The following AFDN variants were observed in gnomAD, a reference collection of about 807,000 sequenced individuals.
The protein encoded by AFDN is afadin.
A neutral mutation model predicts 216.6 loss-of-function variants in AFDN; 68 were observed. The observed-to-expected ratio is 0.31, with a 90% CI of 0.26 to 0.38. The LOEUF is 0.38. Ranked by LOEUF, AFDN falls within the 10% of genes least tolerant of loss-of-function variation. AFDN has a pLI of 1.00. For missense variants in AFDN, 2,136 were observed against 2,342.0 expected, an observed-to-expected ratio of 0.91 and a Z score of 1.82; for synonymous variants, 868 against 853.7, an observed-to-expected ratio of 1.02 and a Z score of -0.29.
In AFDN at chr6:167,962,503, C is replaced by G. The variant is rs557554294; in HGVS notation, c.4904C>G (p.Ala1635Gly). The change falls in exon 31 of 34, where the codon GCG becomes GGG. Residue 1635 changes from alanine to glycine, a missense_variant. Ala to Gly is a moderately conservative substitution (Grantham distance 60). Around this residue, in one of 8 missense-constraint regions of AFDN, gnomAD observed 981 missense variants for 966.0 expected, o/e 1.02. Coordinates refer to ENST00000683244, the MANE Select transcript of AFDN (RefSeq NM_001386888.1). This position sits in a 1 kb window ranked among gnomAD's most constrained non-coding sequence, Gnocchi z 5.2. ...CGCAAGCGGGAAGCGGAAGACCGAGCGAGGCAAGAGGAAGAGCGCCGGCGG... is the reference window on the plus strand; with the variant it reads ...CGCAAGCGGGAAGCGGAAGACCGAGGGAGGCAAGAGGAAGAGCGCCGGCGG... ...EMRKREAEDR[A>G]RQEEERRRQE... 3.7e-6 allele frequency: 6 copies of G among 1,613,506 alleles called. No individual in the cohort carries two copies. In the African/African-American group the frequency reaches 4.0e-5, roughly 11 times the overall value.
At chr6:167,966,304 T>C in intron 32 of AFDN, 1 of 1,448,802 alleles carries the variant, frequency 6.9e-7, no homozygotes, top group Non-Finnish European at 9.1e-7. Context: ...CAGCTCTCTT[T>C]GTCTTAATGA....
intron 30 of AFDN, 108 bp downstream of exon 30, chr6:167,952,295 G>A: frequency 6.4e-7 from 1 of 1,573,086 alleles, no homozygotes; most frequent in Non-Finnish European, 8.6e-7. Flanking sequence ...GATTAAAAGG[G>A]CCCCTAGGCT....
chr6:167,827,632 G>C (rs908541617), intron 1 of AFDN: 2 of 149,252 alleles, frequency 1.3e-5, no homozygotes, highest in Non-Finnish European at 3.0e-5. Flanking sequence ...CTGCAGCCCG[G>C]TTGTGGCTCG....
intron 23 of AFDN, among the ~76,000 whole-genome samples, chr6:167,937,299 T>C (rs1005659764): frequency 1.6e-4 from 25 of 152,252 alleles, no homozygotes; most frequent in Non-Finnish European, 4.4e-5. Flanking sequence ...AAAATATATT[T>C]CGTGATGCAT....
chr6:167,907,629 C>A (rs981305743), intron 13 of AFDN, among the ~76,000 whole-genome samples: 1 of 152,128 alleles, frequency 6.6e-6, no homozygotes, highest in African/African-American at 2.4e-5. Flanking sequence ...AAAATCTGGT[C>A]ATTTCACCCA....
chr6:167,922,599 T>G (rs1360410790), intron 21 of AFDN, among the ~76,000 whole-genome samples: 1 of 152,116 alleles, frequency 6.6e-6, no homozygotes, highest in African/African-American at 2.4e-5. Context: ...CTTATAGGAG[T>G]AAGAAAAAAG....
intron 16 of AFDN, chr6:167,913,945 T>C: frequency 5.6e-6 from 3 of 534,018 alleles, no homozygotes; most frequent in Non-Finnish European, 6.6e-6. Context: ...TGAATCCATA[T>C]GTCTATGTGC....
chr6:167,911,610 T>C, intron 15 of AFDN, 121 bp downstream of exon 15: 2 of 836,042 alleles, frequency 2.4e-6, no homozygotes, highest in Non-Finnish European at 3.9e-6. Flanking sequence ...AAATAAAAGT[T>C]ATGTAAATAT....
rs370176215 is a variant in AFDN at position 167,860,159 on chromosome 6, C to CTTT, written c.106-4366_106-4364dup. ...TAGGTATTAAGTACCTACAGCAATG[C>CTTT]TTTTTTTTTTTTTTTTTTTTTTTTT... On this transcript the variant is annotated intron_variant, in intron 1 of 33. Coordinates refer to ENST00000683244, the MANE Select transcript of AFDN (RefSeq NM_001386888.1). Among the ~76,000 whole-genome samples the CTTT allele has an allele frequency of 3.0e-4, 24 of 79,404 alleles. 1 individual carries two copies. The highest frequency in any genetic ancestry group is 8.1e-4 in the African/African-American group (17 of 21,028). 52.1% of individuals were successfully genotyped at this position (79,404 alleles called of 152,430 possible).
chr6:167,904,954 G>A (rs187481766), intron 12 of AFDN, among the ~76,000 whole-genome samples: 2 of 152,164 alleles, frequency 1.3e-5, no homozygotes, highest in Admixed American at 6.5e-5. Context: ...CCTATGCCCT[G>A]AGCCTGCTTC....
Position 167,962,678 on chromosome 6 carries a change from G to A in AFDN, c.4968+111G>A. 1 of 1,569,278 alleles carries A rather than the reference G, an allele frequency of 6.4e-7. No individual in the cohort carries two copies. Among genetic ancestry groups the A allele is most frequent in the Non-Finnish European group, 8.6e-7 (1 of 1,156,266 alleles). On this transcript the variant is annotated intron_variant, in intron 31 of 33. Transcript: ENST00000683244. This position sits in a 1 kb window ranked among gnomAD's most constrained non-coding sequence, Gnocchi z 5.2. ...TGTGTTTCTTAAGAAGCACGAGGCA[G>A]AGCAGGGCCTGGCTCCCCCAGCTTT... is the stretch of plus-strand genomic sequence containing the variant.
chr6:167,878,714 A>G (rs1200254261), intron 5 of AFDN, among the ~76,000 whole-genome samples: 1 of 152,118 alleles, frequency 6.6e-6, no homozygotes, highest in Non-Finnish European at 1.5e-5. Flanking sequence ...GAAGTCCTGT[A>G]TGATCTGGTC....
intron 4 of AFDN, 52 bp from the exon 5 acceptor site, chr6:167,875,283 T>C (rs1338765215): frequency 1.3e-6 from 2 of 1,560,072 alleles, no homozygotes; most frequent in Non-Finnish European, 1.7e-6. Context: ...TGTGTCTATT[T>C]CTAATAAGAA....
At chr6:167,888,082 T>C (rs920371517) in intron 6 of AFDN, among the ~76,000 whole-genome samples, 1 of 152,212 alleles carries the variant, frequency 6.6e-6, no homozygotes, top group Non-Finnish European at 1.5e-5. Context: ...TCTGGTTCCA[T>C]GTGACTTGGC....
intron 1 of AFDN, among the ~76,000 whole-genome samples, chr6:167,847,717 C>T (rs2128160201): frequency 6.6e-6 from 1 of 152,312 alleles, no homozygotes; most frequent in Admixed American, 6.5e-5. Flanking sequence ...CTTCATATCT[C>T]CCACCTGGGT....
intron 1 of AFDN, 33 bp downstream of exon 1, chr6:167,827,270 C>A (rs997497210): frequency 1.4e-5 from 13 of 946,492 alleles, no homozygotes; most frequent in African/African-American, 1.8e-5. Flanking sequence ...CCTGCGCGAC[C>A]CCCGCCCGCT....
At chr6:167,834,457 GTT>G (rs11446838) in intron 1 of AFDN, among the ~76,000 whole-genome samples, 4 of 75,250 alleles carry the variant, frequency 5.3e-5, no homozygotes, top group Non-Finnish European at 7.1e-5. Flanking sequence ...TGTTGTTTCG[GTT>G]TTTTTTTTTT....
At chr6:167,866,715 C>T (rs1385705258) in intron 2 of AFDN, among the ~76,000 whole-genome samples, 1 of 152,192 alleles carries the variant, frequency 6.6e-6, no homozygotes, top group Non-Finnish European at 1.5e-5. Flanking sequence ...TTTATTACAG[C>T]GTTACGGAAA....
intron 23 of AFDN, among the ~76,000 whole-genome samples, chr6:167,928,778 C>T (rs1028392418): frequency 7.9e-5 from 12 of 152,210 alleles, no homozygotes; most frequent in African/African-American, 2.7e-4. Flanking sequence ...TCTTCCACAC[C>T]CAGCCTCTGC....
Sources: allele counts gnomAD v4.1 joint callset (sites outside exome capture counted in the v4.1 genomes callset), GRCh38; gene constraint gnomAD v4.1.1; regional missense constraint gnomAD v4.1.1; non-coding constraint Gnocchi (gnomAD v3.1); transcripts MANE v1.5; gene names NCBI Gene and HGNC (gene_info 2026-07-23, HGNC 2026-07-21).